The following TBXAS1 variants were observed in gnomAD, a reference collection of about 807,000 sequenced individuals.
The protein encoded by TBXAS1 is thromboxane A synthase 1.
TBXAS1 carries 48 observed loss-of-function variants against 60.7 expected under a neutral mutation model. The ratio of observed to expected loss-of-function variants is 0.79; its 90% CI spans 0.63 to 1.01. The LOEUF (loss-of-function observed/expected upper bound fraction) is 1.01, where lower values mean the gene tolerates loss of function less well. Ranked by LOEUF, TBXAS1 falls within the 50% of genes least tolerant of loss-of-function variation. The pLI, the probability that TBXAS1 is intolerant of heterozygous loss-of-function variation, is 0.00. For synonymous variants in TBXAS1, 287 were observed against 269.7 expected, an observed-to-expected ratio of 1.06 and a Z score of -0.63; for missense variants, 685 against 686.3, an observed-to-expected ratio of 1.00 and a Z score of 0.02.
intron 5 of TBXAS1, among the ~76,000 whole-genome samples, chr7:139,940,727 A>G (rs1454890437): frequency 6.6e-6 from 1 of 152,216 alleles, no homozygotes. Flanking sequence ...TGGATGCTTC[A>G]GGAGGACAAA....
chr7:139,949,897 C>A (rs1225080093), intron 5 of TBXAS1, among the ~76,000 whole-genome samples: 3 of 152,164 alleles, frequency 2.0e-5, no homozygotes, highest in Non-Finnish European at 4.4e-5. Flanking sequence ...GCTACCTAAA[C>A]CAGCTGTCCA....
intron 3 of TBXAS1, among the ~76,000 whole-genome samples, chr7:139,886,134 C>A (rs1425560368): frequency 8.5e-5 from 13 of 152,262 alleles, no homozygotes; most frequent in Non-Finnish European, 4.4e-5. Flanking sequence ...TGCCTGCTTG[C>A]CTAGGGCAGA....
At chr7:139,952,205 C>G (rs1809471171) in intron 5 of TBXAS1, among the ~76,000 whole-genome samples, 1 of 152,102 alleles carries the variant, frequency 6.6e-6, no homozygotes, top group South Asian at 2.1e-4. Flanking sequence ...TTCTGAGAAG[C>G]AGATTAACTT....
intron 4 of TBXAS1, among the ~76,000 whole-genome samples, chr7:139,918,965 A>T (rs972548695): frequency 2.0e-5 from 3 of 149,740 alleles, no homozygotes; most frequent in Non-Finnish European, 4.5e-5. Context: ...CATTTTTGGT[A>T]TTTTTTTTTT....
At chr7:139,832,094 G>A (rs1204148870) in intron 1 of TBXAS1, among the ~76,000 whole-genome samples, 1 of 152,086 alleles carries the variant, frequency 6.6e-6, no homozygotes, top group Admixed American at 6.5e-5. Context: ...GCAATTCTGA[G>A]GGGACCCACA....
At chr7:139,978,509 C>CAA (rs550052038) in intron 9 of TBXAS1, among the ~76,000 whole-genome samples, 1 of 117,282 alleles carries the variant, frequency 8.5e-6, no homozygotes, top group African/African-American at 3.2e-5. Flanking sequence ...GACTCTGTCT[C>CAA]AAAAAAAAAA....
At chr7:139,811,241 A>T (rs1341040378) in intron 4 of TBXAS1, among the ~76,000 whole-genome samples, 2 of 152,176 alleles carry the variant, frequency 1.3e-5, no homozygotes, top group Non-Finnish European at 2.9e-5. Flanking sequence ...ACATACAGTC[A>T]CTCTTTGTCA....
chr7:139,937,594 G>C (rs1397242995), intron 5 of TBXAS1, among the ~76,000 whole-genome samples: 1 of 152,130 alleles, frequency 6.6e-6, no homozygotes, highest in African/African-American at 2.4e-5. Flanking sequence ...TCAGAGTCAG[G>C]TACCAAGGGT....
At chr7:139,944,723 T>C (rs1314170968) in intron 5 of TBXAS1, among the ~76,000 whole-genome samples, 1 of 152,146 alleles carries the variant, frequency 6.6e-6, no homozygotes, top group African/African-American at 2.4e-5. Context: ...TCCCTCTTCG[T>C]GTGTGGATCA....
intron 4 of TBXAS1, among the ~76,000 whole-genome samples, chr7:139,790,113 C>G (rs1365340381): frequency 6.6e-6 from 1 of 152,224 alleles, no homozygotes; most frequent in Non-Finnish European, 1.5e-5. Flanking sequence ...ATACATTATA[C>G]ATACAACAAT....
At chr7:140,003,748 T>C (rs1352870455) in intron 9 of TBXAS1, among the ~76,000 whole-genome samples, 1 of 152,270 alleles carries the variant, frequency 6.6e-6, no homozygotes, top group Non-Finnish European at 1.5e-5. Flanking sequence ...TATAGTTCCC[T>C]ATTTTTGTGT....
intron 4 of TBXAS1, among the ~76,000 whole-genome samples, chr7:139,924,422 C>G (rs1806725450): frequency 6.6e-6 from 1 of 152,022 alleles, no homozygotes; most frequent in African/African-American, 2.4e-5. Flanking sequence ...AGTACCTTTT[C>G]ATATGCCTGT....
At chr7:139,802,990 G>T (rs1241384142) in intron 4 of TBXAS1, among the ~76,000 whole-genome samples, 1 of 152,124 alleles carries the variant, frequency 6.6e-6, no homozygotes, top group African/African-American at 2.4e-5. Context: ...CCAGTCTCTG[G>T]TATTTCTTCA....
intron 10 of TBXAS1, among the ~76,000 whole-genome samples, chr7:140,011,838 A>C (rs533456883): frequency 1.3e-5 from 2 of 151,022 alleles, no homozygotes; most frequent in South Asian, 4.2e-4. Context: ...TTTATGTTCT[A>C]TATATATATA....
chr7:140,009,430 C>A (rs1814348682), intron 10 of TBXAS1, among the ~76,000 whole-genome samples: 1 of 152,120 alleles, frequency 6.6e-6, no homozygotes, highest in Non-Finnish European at 1.5e-5. Context: ...GTGGGTGGCA[C>A]AGGTGGAACT....
chr7:139,787,930 T>G (rs1264880241), intron 4 of TBXAS1, among the ~76,000 whole-genome samples: 1 of 152,236 alleles, frequency 6.6e-6, no homozygotes, highest in African/African-American at 2.4e-5. Context: ...GTGTATTTCT[T>G]TATTGATACA....
Position 139,945,849 on chromosome 7 carries a change from T to C in TBXAS1, c.451-7519T>C, listed in dbSNP as rs60735693. Among the ~76,000 whole-genome samples, 901 of 152,288 alleles carry C rather than the reference T, an allele frequency of 5.9e-3. 7 individuals carry two copies. The highest frequency in any genetic ancestry group is 0.02 in the African/African-American group (832 of 41,568). ...AAGGTGTCTTGGAGTAGTAGTCAAA[T>C]GGCTGGCCTGATCTGTGGTCTCATC... On this transcript the variant is annotated intron_variant, in intron 5 of 12. Transcript: ENST00000448866.
At chr7:139,886,829 T>C (rs1212813476) in intron 3 of TBXAS1, among the ~76,000 whole-genome samples, 4 of 152,124 alleles carry the variant, frequency 2.6e-5, no homozygotes, top group African/African-American at 9.7e-5. Flanking sequence ...ACTAGGTTCT[T>C]CCCAAAGACT....
rs144331256 is a variant in TBXAS1, at chr7:139,882,576, A to T, written c.236+6939A>T. Among the ~76,000 whole-genome samples the T allele has an allele frequency of 2.4e-3, 361 of 152,188 alleles. 3 individuals carry two copies. Among genetic ancestry groups the T allele is most frequent in the African/African-American group, 8.4e-3 (347 of 41,506 alleles). ...ATGAGGCTCATTTACTAAATGTTTG[A>T]CCCAAAAATGTGGCTCAATTCTAAG... On this transcript the variant is annotated intron_variant, in intron 3 of 12. Coordinates refer to ENST00000448866, the MANE Select transcript of TBXAS1 (RefSeq NM_001061.7).
Sources: gnomAD v4.1 joint callset for allele counts (sites outside exome capture counted in the v4.1 genomes callset) on GRCh38, gnomAD v4.1.1 for gene constraint, MANE v1.5 for transcripts, NCBI Gene and HGNC (gene_info 2026-07-23, HGNC 2026-07-21) for gene names.